SCN4A: variants seen among roughly 807,000 people sequenced by gnomAD.
SCN4A encodes the protein sodium voltage-gated channel alpha subunit 4.
In SCN4A, 83 loss-of-function variants were observed where a neutral mutation model predicts 162.0. The ratio of observed to expected loss-of-function variants is 0.51; its 90% CI spans 0.43 to 0.61. The LOEUF (loss-of-function observed/expected upper bound fraction) is 0.61. Ranked by LOEUF, SCN4A falls within the 20% of genes least tolerant of loss-of-function variation. The pLI is 0.00. For synonymous variants in SCN4A, 944 were observed against 985.1 expected, an observed-to-expected ratio of 0.96 and a Z score of 0.78; for missense variants, 2,196 against 2,462.5, an observed-to-expected ratio of 0.89 and a Z score of 2.29.
rs1223809999 is a variant in SCN4A at position 63,968,262 on chromosome 17, A to G, written c.797T>C (p.Leu266Pro). Residue 266 changes from leucine to proline, a missense_variant, in exon 6 of 24, where the codon CTG becomes CCG. Physicochemically the swap from Leu to Pro is moderately conservative, Grantham distance 98 (BLOSUM62 -3). Transcript: ENST00000435607. Reference protein sequence around the residue: ...LTVFCLSVFALVGLQLFMGNL... With the variant: ...LTVFCLSVFAPVGLQLFMGNL... Reference sequence around the variant, plus strand: ...TCCCATGAAGAGCTGCAGTCCTACCAGCGCAAAGACGCTCAGGCAGAAGAC... The same window carrying G: ...TCCCATGAAGAGCTGCAGTCCTACCGGCGCAAAGACGCTCAGGCAGAAGAC... The G allele has an allele frequency of 6.2e-7, 1 of 1,613,982 alleles. No individual in the cohort carries two copies. Among genetic ancestry groups the G allele is most frequent in the Non-Finnish European group, 8.5e-7 (1 of 1,179,936 alleles).
chr17:63,967,685 C>T (rs1257253085), intron 6 of SCN4A, among the ~76,000 whole-genome samples: 1 of 151,914 alleles, frequency 6.6e-6, no homozygotes, highest in East Asian at 2.0e-4. Context: ...GTAATCCCAG[C>T]ACTTTAGGAG....
At position 63,944,409 on chromosome 17, in the gene SCN4A, C is replaced by T. The variant is rs1908646581; in HGVS notation, c.3912+264G>A. On this transcript the variant is annotated intron_variant, in intron 21 of 23. Transcript: ENST00000435607. The surrounding 1 kb of genome is among the most constrained non-coding windows in gnomAD (Gnocchi z 4.3). ...GACCTTGTGATCCGCCCGCCTCGGC[C>T]TCCCAAAGTGCTGGGATTACAAGCA... Among the ~76,000 whole-genome samples, 1 of 152,174 alleles carries T rather than the reference C, an allele frequency of 6.6e-6. No homozygotes were observed. Among genetic ancestry groups the T allele is most frequent in the Non-Finnish European group, 1.5e-5 (1 of 68,034 alleles).
intron 22 of SCN4A, 102 bp downstream of exon 22, chr17:63,943,644 A>G: frequency 1.4e-6 from 1 of 735,668 alleles, no homozygotes; most frequent in Non-Finnish European, 2.3e-6. Flanking sequence ...TCACCCAGGG[A>G]CACAGCCTGG....
At chr17:63,960,162 A>C (rs1909200631) in intron 11 of SCN4A, among the ~76,000 whole-genome samples, 1 of 152,216 alleles carries the variant, frequency 6.6e-6, no homozygotes, top group Non-Finnish European at 1.5e-5. Context: ...CTGGGTCCAC[A>C]GCCTGCCTGG....
In SCN4A at chr17:63,944,655, G is replaced by C; in HGVS notation, c.3912+18C>G. 1 of 1,589,570 alleles carries C rather than the reference G, an allele frequency of 6.3e-7. No individual in the cohort carries two copies. Among genetic ancestry groups the C allele is most frequent in the South Asian group, 1.1e-5 (1 of 87,556 alleles). On this transcript the variant is annotated intron_variant, in intron 21 of 23. Coordinates refer to ENST00000435607, the MANE Select transcript of SCN4A (RefSeq NM_000334.4). This position sits in a 1 kb window ranked among gnomAD's most constrained non-coding sequence, Gnocchi z 4.3. Reference sequence around the variant, plus strand: ...GGCCCAGCACCGGGAGGGCCCGAGGGGCTGGGCTGATACTCATCTTCTTCT... The same window carrying C: ...GGCCCAGCACCGGGAGGGCCCGAGGCGCTGGGCTGATACTCATCTTCTTCT...
In SCN4A at chr17:63,945,590, G is replaced by A; in HGVS notation, c.3490C>T (p.Leu1164=). The A allele has an allele frequency of 6.2e-7, 1 of 1,614,070 alleles. No individual in the cohort carries two copies. The highest frequency in any genetic ancestry group is 8.5e-7 in the Non-Finnish European group (1 of 1,179,944). The change falls in exon 19 of 24, where the codon CTG becomes TTG. Residue 1164 remains leucine (L), a synonymous_variant. Coordinates refer to ENST00000435607, the MANE Select transcript of SCN4A (RefSeq NM_000334.4). The surrounding 1 kb of genome is among the most constrained non-coding windows in gnomAD (Gnocchi z 4.4). ...LGAIPSIMNV[L]LVCLIFWLIF... ...AGCCAGAAGATGAGGCAGACAAGCAGCACATTCATGATGGAGGGGATGGCG... is the reference window on the plus strand; with the variant it reads ...AGCCAGAAGATGAGGCAGACAAGCAACACATTCATGATGGAGGGGATGGCG...
chr17:63,941,439 C>A lies in SCN4A; in HGVS notation c.4843G>T (p.Asp1615Tyr). ...GTCTCGTAGAACATCTCAAAGTCAT[C>A]TTCACCAAGGGGCTCGCTGCTCTCC... is the stretch of plus-strand genomic sequence containing the variant. ...TEESSEPLGE[D>Y]DFEMFYETWE... is the part of the protein sequence containing the mutation. Residue 1615 changes from aspartate to tyrosine, a missense_variant, in exon 24 of 24, where the codon GAT (aspartate) becomes TAT (tyrosine). Physicochemically the swap from Asp to Tyr is radical, Grantham distance 160. Transcript: ENST00000435607. This position sits in a 1 kb window ranked among gnomAD's most constrained non-coding sequence, Gnocchi z 6.2. The A allele has an allele frequency of 6.2e-7, 1 of 1,614,166 alleles. No individual in the cohort carries two copies. Among genetic ancestry groups the A allele is most frequent in the Non-Finnish European group, 8.5e-7 (1 of 1,180,034 alleles).
rs746796680 is a variant in SCN4A at position 63,948,568 on chromosome 17, G to A, written c.3144+43C>T. ...GGAGCCCCAAGAGGACCTGCTGTGG[G>A]CCTGGCCCCTGCCCCTGACCCGTGC... On this transcript the variant is annotated intron_variant, in intron 16 of 23. Transcript: ENST00000435607. 3 of 1,581,352 alleles carry A rather than the reference G, an allele frequency of 1.9e-6. No individual in the cohort carries two copies. In the South Asian group the frequency reaches 3.4e-5, roughly 18 times the overall value.
chr17:63,971,294 G>A lies in SCN4A; in HGVS notation c.612-41C>T, dbSNP rs1312188648. On this transcript the variant is annotated intron_variant, in intron 4 of 23. Transcript: ENST00000435607. Reference sequence around the variant, plus strand: ...AGGGGGGTGGGGACTGTCAGAGCCTGGGGTGGGTGGTAGGACAGAAATCAG... The same window carrying A: ...AGGGGGGTGGGGACTGTCAGAGCCTAGGGTGGGTGGTAGGACAGAAATCAG... The A allele has an allele frequency of 3.6e-5, 39 of 1,072,742 alleles. No homozygotes were observed. In the East Asian group the frequency reaches 9.8e-4, roughly 27 times the overall value. 66.5% of individuals were successfully genotyped at this position (1,072,742 alleles called of 1,614,324 possible).
Position 63,944,782 on chromosome 17 carries a change from T to C in SCN4A, c.3803A>G (p.Asn1268Ser). 1 of 1,613,816 alleles carries C rather than the reference T, an allele frequency of 6.2e-7. No individual in the cohort carries two copies. The highest frequency in any genetic ancestry group is 8.5e-7 in the Non-Finnish European group (1 of 1,179,818). ...EKEEQPQYEV[N>S]LYMYLYFVIF... is the part of the protein sequence containing the mutation. ...GACAAAGTAGAGGTACATGTAGAGG[T>C]TCACCTCGTACTGCGGCTGCTCCTC... The change falls in exon 21 of 24, where the codon AAC (asparagine) becomes AGC (serine). Residue 1268 changes from asparagine (N) to serine (S), a missense_variant. Coordinates refer to ENST00000435607, the MANE Select transcript of SCN4A (RefSeq NM_000334.4). This position sits in a 1 kb window ranked among gnomAD's most constrained non-coding sequence, Gnocchi z 4.3.
rs1908626845 is a variant in SCN4A at position 63,943,855 on chromosome 17, A to G, written c.3913-5T>C. 1 of 1,576,538 alleles carries G rather than the reference A, an allele frequency of 6.3e-7. No homozygotes were observed. The highest frequency in any genetic ancestry group is 8.7e-7 in the Non-Finnish European group (1 of 1,145,890). On this transcript the variant is annotated splice_region_variant and splice_polypyrimidine_tract_variant and intron_variant, in intron 21 of 23. Coordinates refer to ENST00000435607, the MANE Select transcript of SCN4A (RefSeq NM_000334.4). ...AAAGATGTCTTTCCCCCCTAAGTAT[A>G]GTGGGATAGGGCTTGTCAGGTTGAG...
rs1258306706 is a variant in SCN4A at position 63,966,195 on chromosome 17, G to A, written c.1149C>T (p.Asn383=). 1 of 1,602,416 alleles carries A rather than the reference G, an allele frequency of 6.2e-7. No homozygotes were observed. Among genetic ancestry groups the A allele is most frequent in the East Asian group, 2.2e-5 (1 of 44,516 alleles). The part of the protein sequence containing the change: ...YECIKTGRNP[N]YGYTSYDTFS... Reference sequence around the variant, plus strand: ...AGGTGTCATAGCTGGTGTAGCCATAGTTGGGGTTCCGCCCGGTCTTGATGC... The same window carrying A: ...AGGTGTCATAGCTGGTGTAGCCATAATTGGGGTTCCGCCCGGTCTTGATGC... Residue 383 remains asparagine (N), a synonymous_variant, in exon 8 of 24, where the codon AAC becomes AAT. Coordinates refer to ENST00000435607, the MANE Select transcript of SCN4A (RefSeq NM_000334.4).
rs531778017 is a variant in SCN4A at position 63,945,817 on chromosome 17, G to A, written c.3442-179C>T. On this transcript the variant is annotated intron_variant, in intron 18 of 23. Transcript: ENST00000435607. This position sits in a 1 kb window ranked among gnomAD's most constrained non-coding sequence, Gnocchi z 4.4. ...AGGTTGGGGGTGGTAAGGGGGAGGG[G>A]GAGGGAGCTGCAGGCCTGGTGGTCA... Among the ~76,000 whole-genome samples the A allele has an allele frequency of 8.6e-5, 13 of 151,924 alleles. No homozygotes were observed. The highest frequency in any genetic ancestry group is 1.9e-4 in the Non-Finnish European group (13 of 67,916).
chr17:63,970,639 C>CT lies in SCN4A; in HGVS notation c.703+522dup, dbSNP rs879328232. Among the ~76,000 whole-genome samples, 590 of 144,582 alleles carry CT rather than the reference C, an allele frequency of 4.1e-3. 6 individuals carry two copies. Among genetic ancestry groups the CT allele is most frequent in the African/African-American group, 9.4e-3 (373 of 39,614 alleles). The allele number at this position is 144,582 out of a possible 152,430, so 94.9% of individuals were successfully genotyped here. On this transcript the variant is annotated intron_variant, in intron 5 of 23. Coordinates refer to ENST00000435607, the MANE Select transcript of SCN4A (RefSeq NM_000334.4). Reference sequence around the variant, plus strand: ...TAACCAGGCCCAGCTAATTTGTTTTCTTTTTTTTTTTTGAGATGGAATCTC... The same window carrying CT: ...TAACCAGGCCCAGCTAATTTGTTTTCTTTTTTTTTTTTTGAGATGGAATCTC...
rs1388128249 is a variant in SCN4A, at chr17:63,972,886, G to C, written c.-45C>G. ...AGACCAGAAGGGTGGTGGGTGGCCT[G>C]GGGAGCTGCAGTGCGCAGCCCCGGG... On this transcript the variant is annotated 5_prime_UTR_variant, in exon 1 of 24. Coordinates refer to ENST00000435607, the MANE Select transcript of SCN4A (RefSeq NM_000334.4). The surrounding 1 kb of genome is among the most constrained non-coding windows in gnomAD (Gnocchi z 4.3). 6.4e-7 allele frequency: 1 copy of C among 1,562,308 alleles called. No homozygotes were observed. Among genetic ancestry groups the C allele is most frequent in the Non-Finnish European group, 8.7e-7 (1 of 1,155,250 alleles).
chr17:63,951,863 AAGG>A lies in SCN4A; in HGVS notation c.2411_2413del (p.Ser804del). On this transcript the variant is annotated inframe_deletion, in exon 14 of 24. Transcript: ENST00000435607. This position sits in a 1 kb window ranked among gnomAD's most constrained non-coding sequence, Gnocchi z 4.5. ...CGAGGCTGCCAGACTGTCGGCGCTG[AAGG>A]AGCTCAGCAGCAGAGCCAGGAACAG... The A allele has an allele frequency of 6.4e-7, 1 of 1,554,270 alleles. No homozygotes were observed. Among genetic ancestry groups the A allele is most frequent in the Non-Finnish European group, 8.7e-7 (1 of 1,153,684 alleles).
Position 63,945,332 on chromosome 17 carries a change from C to G in SCN4A, c.3720+28G>C. On this transcript the variant is annotated intron_variant, in intron 19 of 23. Coordinates refer to ENST00000435607, the MANE Select transcript of SCN4A (RefSeq NM_000334.4). This position sits in a 1 kb window ranked among gnomAD's most constrained non-coding sequence, Gnocchi z 4.4. ...GGTGGGGGGCACCTCCATCCAGGTT[C>G]CCGGCAGGGGTGGTGGGTCACACTC... is the stretch of plus-strand genomic sequence containing the variant. The G allele has an allele frequency of 6.3e-7, 1 of 1,590,526 alleles. No homozygotes were observed. The highest frequency in any genetic ancestry group is 8.6e-7 in the Non-Finnish European group (1 of 1,163,034).
intron 5 of SCN4A, among the ~76,000 whole-genome samples, chr17:63,968,690 C>T (rs923898017): frequency 6.6e-5 from 10 of 152,186 alleles, no homozygotes; most frequent in South Asian, 4.1e-4. Flanking sequence ...TTCAACAGAA[C>T]GCTAATCTCC....
intron 11 of SCN4A, among the ~76,000 whole-genome samples, chr17:63,960,506 C>G (rs1215280503): frequency 6.6e-6 from 1 of 152,330 alleles, no homozygotes; most frequent in South Asian, 2.1e-4. Context: ...GCATCTCGCC[C>G]ATTTGCCGTC....
Sources: allele counts gnomAD v4.1 joint callset (sites outside exome capture counted in the v4.1 genomes callset), GRCh38; gene constraint gnomAD v4.1.1; non-coding constraint Gnocchi (gnomAD v3.1); transcripts MANE v1.5; gene names NCBI Gene and HGNC (gene_info 2026-07-23, HGNC 2026-07-21).